Variants in SNX18 observed in about 807,000 individuals in gnomAD.
SNX18 encodes the protein sorting nexin 18.
SNX18 carries 35 observed loss-of-function variants against 48.7 expected under a neutral mutation model. That is an observed-to-expected ratio of 0.72 (90% CI 0.55 to 0.95). The LOEUF is 0.95. Ranked by LOEUF, SNX18 falls within the 40% of genes least tolerant of loss-of-function variation. SNX18 has a pLI of 0.00. For synonymous variants in SNX18, 492 were observed against 384.7 expected (o/e 1.28, Z -3.26); for missense variants, 824 against 871.0 (o/e 0.95, Z 0.68).
the SNX18 span, among the ~76,000 whole-genome samples, chr5:54,581,361 A>T: frequency 1.3e-5 from 2 of 152,122 alleles, no homozygotes; most frequent in Non-Finnish European, 2.9e-5. Context: ...AAAACAATGG[A>T]ATTTTAGGAA....
chr5:54,568,787 C>G, the SNX18 span, among the ~76,000 whole-genome samples: 1 of 148,580 alleles, frequency 6.7e-6, no homozygotes, highest in South Asian at 2.1e-4. Context: ...TTTAGGAGTG[C>G]TTTAGTTCTT....
chr5:54,529,303 C>T (rs939439002), intron 1 of SNX18, among the ~76,000 whole-genome samples: 2 of 152,142 alleles, frequency 1.3e-5, no homozygotes, highest in African/African-American at 4.8e-5. Flanking sequence ...AATAGAGATG[C>T]CTGGAGATGG....
At chr5:54,591,441 T>C in the SNX18 span, among the ~76,000 whole-genome samples, 1 of 152,198 alleles carries the variant, frequency 6.6e-6, no homozygotes, top group Non-Finnish European at 1.5e-5. Flanking sequence ...TCCTCCTGCC[T>C]TGGCCTCCCA....
intron 1 of SNX18, among the ~76,000 whole-genome samples, chr5:54,526,958 C>T (rs1762142923): frequency 6.6e-6 from 1 of 151,574 alleles, no homozygotes; most frequent in Non-Finnish European, 1.5e-5. Flanking sequence ...GCAGGTATCT[C>T]GGGGGAGAGC....
the SNX18 span, among the ~76,000 whole-genome samples, chr5:54,646,409 G>A: frequency 2.0e-5 from 3 of 152,214 alleles, no homozygotes; most frequent in African/African-American, 7.2e-5. Context: ...CCCCGTGTTC[G>A]TGGTCTGTCA....
the SNX18 span, among the ~76,000 whole-genome samples, chr5:54,630,587 A>C: frequency 6.6e-6 from 1 of 152,114 alleles, no homozygotes; most frequent in Non-Finnish European, 1.5e-5. Context: ...TAATCCCAGC[A>C]CTTTGGGAAG....
the SNX18 span, among the ~76,000 whole-genome samples, chr5:54,598,426 C>CA: frequency 6.6e-6 from 1 of 151,944 alleles, no homozygotes; most frequent in Non-Finnish European, 1.5e-5. Context: ...AGAGATAAAA[C>CA]AAAAAAAGAA....
At chr5:54,611,787 G>T in the SNX18 span, among the ~76,000 whole-genome samples, 1 of 152,140 alleles carries the variant, frequency 6.6e-6, no homozygotes, top group East Asian at 1.9e-4. Flanking sequence ...CAACTTGACT[G>T]GTTTGAGGGG....
Position 54,518,479 on chromosome 5 carries a change from A to C in SNX18, c.527A>C (p.Tyr176Ser). 6.4e-7 allele frequency: 1 copy of C among 1,570,608 alleles called. No individual in the cohort carries two copies. Reference protein sequence around the residue: ...DEPGALGSGAYPDLDGSSSAG... With the variant: ...DEPGALGSGASPDLDGSSSAG... ...CCGGGCGCTCTGGGCAGCGGAGCAT[A>C]CCCGGACCTCGACGGCTCGTCTTCG... Residue 176 changes from tyrosine (Y) to serine (S), a missense_variant, in exon 1 of 2, where the codon TAC (tyrosine) becomes TCC (serine). Physicochemically the swap from Tyr to Ser is moderately radical, Grantham distance 144 (BLOSUM62 -2). Transcript: ENST00000381410.
At chr5:54,643,812 T>TA in the SNX18 span, 10 of 152,238 alleles carry the variant, frequency 6.6e-5, no homozygotes, top group African/African-American at 2.4e-4. Flanking sequence ...CACCGACTGA[T>TA]ACCATCATTT....
chr5:54,629,789 T>C, the SNX18 span, among the ~76,000 whole-genome samples: 3 of 152,202 alleles, frequency 2.0e-5, no homozygotes, highest in African/African-American at 4.8e-5. Context: ...GGATATCTCG[T>C]CTTTCTTATA....
Position 54,519,007 on chromosome 5 carries a change from G to A in SNX18, c.1055G>A (p.Arg352His). ...GRFEEDFISK[R>H]RKGLIWWMNH... ...TTCGAGGAGGACTTCATCTCTAAGC[G>A]CAGGAAGGGCCTGATCTGGTGGATG... Residue 352 changes from arginine to histidine, a missense_variant, in exon 1 of 2, where the codon CGC becomes CAC. Physicochemically the swap from Arg to His is conservative, Grantham distance 29. This residue lies in a region of SNX18 where 443 missense variants were observed against 503.6 expected (regional missense o/e 0.88). Coordinates refer to ENST00000381410, the MANE Select transcript of SNX18 (RefSeq NM_001102575.2). 1 of 1,613,438 alleles carries A rather than the reference G, an allele frequency of 6.2e-7. No individual in the cohort carries two copies. Among genetic ancestry groups the A allele is most frequent in the Non-Finnish European group, 8.5e-7 (1 of 1,179,760 alleles).
chr5:54,522,595 A>T (rs1175065252), intron 1 of SNX18, among the ~76,000 whole-genome samples: 2 of 152,204 alleles, frequency 1.3e-5, no homozygotes, highest in African/African-American at 2.4e-5. Context: ...AAGTCCTGCT[A>T]GATTCTTCTT....
chr5:54,600,791 C>A, the SNX18 span, among the ~76,000 whole-genome samples: 1 of 152,174 alleles, frequency 6.6e-6, no homozygotes, highest in African/African-American at 2.4e-5. Flanking sequence ...ATCGCATGGA[C>A]ACAGAGAATG....
downstream of SNX18, among the ~76,000 whole-genome samples, chr5:54,550,222 G>A (rs1200916198): frequency 6.6e-6 from 1 of 152,174 alleles, no homozygotes; most frequent in Admixed American, 6.5e-5. Flanking sequence ...AGGTCCATAA[G>A]TCTGTGTTCT....
At chr5:54,642,031 G>C in the SNX18 span, among the ~76,000 whole-genome samples, 1 of 152,222 alleles carries the variant, frequency 6.6e-6, no homozygotes, top group South Asian at 2.1e-4. Context: ...CTGGGACTGA[G>C]AGACGGACCT....
the SNX18 span, among the ~76,000 whole-genome samples, chr5:54,552,268 C>A: frequency 2.6e-5 from 4 of 152,226 alleles, no homozygotes; most frequent in African/African-American, 4.8e-5. Context: ...TTAAACACAT[C>A]TAGCAGAGTT....
At chr5:54,600,333 T>C in the SNX18 span, among the ~76,000 whole-genome samples, 3 of 152,154 alleles carry the variant, frequency 2.0e-5, no homozygotes, top group African/African-American at 7.2e-5. Context: ...AAACAACAGA[T>C]GCTGGCAAGG....
chr5:54,536,917 C>G (rs985882512), intron 1 of SNX18, among the ~76,000 whole-genome samples: 1 of 152,196 alleles, frequency 6.6e-6, no homozygotes, highest in Non-Finnish European at 1.5e-5. Flanking sequence ...CTAATGATTG[C>G]CATTGTAACT....
Sources: gnomAD v4.1 joint callset for allele counts (sites outside exome capture counted in the v4.1 genomes callset) on GRCh38, gnomAD v4.1.1 for gene constraint, gnomAD v4.1.1 regional missense constraint, MANE v1.5 for transcripts, NCBI Gene and HGNC (gene_info 2026-07-23, HGNC 2026-07-21) for gene names.